Variants in BRD3 observed in about 807,000 individuals in gnomAD.
BRD3 encodes the protein bromodomain containing 3, also known as bromodomain-containing protein 3.
A neutral mutation model predicts 66.8 loss-of-function variants in BRD3; 17 were observed. The observed-to-expected ratio is 0.25, with a 90% CI of 0.17 to 0.38. The LOEUF (loss-of-function observed/expected upper bound fraction) is 0.38. Among genes scored for constraint, BRD3 ranks in the 10% least tolerant of loss-of-function variants. BRD3 has a pLI of 1.00. For synonymous variants in BRD3, 421 were observed against 393.2 expected, an observed-to-expected ratio of 1.07 and a Z score of -0.84; for missense variants, 713 against 956.1, an observed-to-expected ratio of 0.75 and a Z score of 3.35.
Position 134,033,816 on chromosome 9 carries a change from C to A in BRD3, c.2066-111G>T. 1 of 604,780 alleles carries A rather than the reference C, an allele frequency of 1.7e-6. No homozygotes were observed. The highest frequency in any genetic ancestry group is 2.8e-5 in the East Asian group (1 of 35,802). 37.5% of individuals were successfully genotyped at this position (604,780 alleles called of 1,614,324 possible). A position where few individuals can be genotyped will look rare whatever the true frequency, so the allele number is the denominator to read the frequency against. ...ATCACACTGGGTGCCACGACCCACC[C>A]ACTTCCTGACCCAGTCGTTTAATAA... is the stretch of plus-strand genomic sequence containing the variant. On this transcript the variant is annotated intron_variant, in intron 11 of 11. Transcript: ENST00000303407. This position sits in a 1 kb window ranked among gnomAD's most constrained non-coding sequence, Gnocchi z 5.1.
chr9:134,064,870 C>G (rs745753550), intron 1 of BRD3, among the ~76,000 whole-genome samples: 3 of 152,332 alleles, frequency 2.0e-5, no homozygotes, highest in Non-Finnish European at 4.4e-5. Flanking sequence ...CAGCTGGGCA[C>G]CTCTACAAGG....
chr9:134,035,528 G>A (rs1408528345), intron 10 of BRD3, among the ~76,000 whole-genome samples: 1 of 152,186 alleles, frequency 6.6e-6, no homozygotes, highest in East Asian at 1.9e-4. Flanking sequence ...CGGTGCCCCA[G>A]GGTCCGTCCT....
intron 1 of BRD3, among the ~76,000 whole-genome samples, chr9:134,059,284 C>T (rs1426498632): frequency 6.6e-6 from 1 of 152,232 alleles, no homozygotes; most frequent in Non-Finnish European, 1.5e-5. Context: ...TTCCTCAACA[C>T]ACACTCTGCA....
intron 1 of BRD3, 161 bp from the exon 2 acceptor site, chr9:134,053,751 G>T: frequency 1.7e-6 from 1 of 587,400 alleles, no homozygotes. Context: ...AGGCTGTCGG[G>T]AAAGCTGCTC....
In BRD3 at chr9:134,033,816, CA is replaced by C. The variant is rs1843554780; in HGVS notation, c.2066-112del. ...ATCACACTGGGTGCCACGACCCACC[CA>C]CTTCCTGACCCAGTCGTTTAATAAG... On this transcript the variant is annotated intron_variant, in intron 11 of 11. Coordinates refer to ENST00000303407, the MANE Select transcript of BRD3 (RefSeq NM_007371.4). The surrounding 1 kb of genome is among the most constrained non-coding windows in gnomAD (Gnocchi z 5.1). 1.7e-6 allele frequency: 1 copy of C among 604,786 alleles called. No individual in the cohort carries two copies. The highest frequency in any genetic ancestry group is 2.7e-5 in the Admixed American group (1 of 36,420). The allele number at this position is 604,786 out of a possible 1,614,324, so 37.5% of individuals were successfully genotyped here. A position where few individuals can be genotyped will look rare whatever the true frequency, so the allele number is the denominator to read the frequency against.
At chr9:134,065,665 C>T (rs1394515229) in intron 1 of BRD3, among the ~76,000 whole-genome samples, 1 of 152,178 alleles carries the variant, frequency 6.6e-6, no homozygotes, top group Non-Finnish European at 1.5e-5. Context: ...CGTGTGTATC[C>T]ACAGCAAAAC....
chr9:134,032,697 A>G lies in BRD3; in HGVS notation c.*893T>C, dbSNP rs1341287200. 4.3e-6 allele frequency: 1 copy of G among 229,898 alleles called. No individual in the cohort carries two copies. Among genetic ancestry groups the G allele is most frequent in the Non-Finnish European group, 8.6e-6 (1 of 116,200 alleles). 14.2% of individuals were successfully genotyped at this position (229,898 alleles called of 1,614,324 possible). ...TAAAAATGACCAATGATGTTAATAA[A>G]TAACTATTTATATACACATAAGCTC... On this transcript the variant is annotated 3_prime_UTR_variant, in exon 12 of 12. Transcript: ENST00000303407.
At chr9:134,046,115 G>A (rs1221460167) in intron 6 of BRD3, among the ~76,000 whole-genome samples, 3 of 152,206 alleles carry the variant, frequency 2.0e-5, no homozygotes, top group Non-Finnish European at 4.4e-5. Flanking sequence ...GGCAAGCAGA[G>A]AACTGAGGCC....
At chr9:134,044,455 C>G (rs777758629) in intron 7 of BRD3, among the ~76,000 whole-genome samples, 2 of 152,130 alleles carry the variant, frequency 1.3e-5, no homozygotes, top group African/African-American at 2.4e-5. Context: ...CATTCTGGGT[C>G]CCGTGAAAAG....
Position 134,053,513 on chromosome 9 carries a change from G to T in BRD3, c.-36C>A, listed in dbSNP as rs778010033. 2.0e-6 allele frequency: 3 copies of T among 1,531,614 alleles called. No individual in the cohort carries two copies. Among genetic ancestry groups the T allele is most frequent in the East Asian group, 2.3e-5 (1 of 42,950 alleles). The allele number at this position is 1,531,614 out of a possible 1,614,324, so 94.9% of individuals were successfully genotyped here. A position where few individuals can be genotyped will look rare whatever the true frequency, so the allele number is the denominator to read the frequency against. On this transcript the variant is annotated 5_prime_UTR_variant, in exon 2 of 12. Transcript: ENST00000303407. ...CTCACTCACTTTCTGTCACAGCAGC[G>T]GCTTGGAGAGGCCCTGGCTGCTTCT... is the stretch of plus-strand genomic sequence containing the variant.
At position 134,052,392 on chromosome 9, in the gene BRD3, T is replaced by C; in HGVS notation, c.265A>G (p.Arg89Gly). ...CTCCAATAATAATTATTTTCTAGTCTCTTCTTAATAGTCCCCATATCCATT... is the reference window on the plus strand; with the variant it reads ...CTCCAATAATAATTATTTTCTAGTCCCTTCTTAATAGTCCCCATATCCATT... ...NPMDMGTIKK[R>G]LENNYYWSAS... Residue 89 changes from arginine (R) to glycine (G), a missense_variant, in exon 3 of 12, where the codon AGA (arginine) becomes GGA (glycine). By Grantham distance (125) the Arg-to-Gly change is moderately radical. This residue lies in a region of BRD3 where 85 missense variants were observed against 152.4 expected (regional missense o/e 0.56). Coordinates refer to ENST00000303407, the MANE Select transcript of BRD3 (RefSeq NM_007371.4). The C allele has an allele frequency of 6.2e-7, 1 of 1,612,764 alleles. No individual in the cohort carries two copies. Among genetic ancestry groups the C allele is most frequent in the Non-Finnish European group, 8.5e-7 (1 of 1,179,548 alleles).
Position 134,036,164 on chromosome 9 carries a change from G to A in BRD3, c.1804C>T (p.Arg602Trp). Residue 602 changes from arginine (R) to tryptophan (W), a missense_variant, in exon 10 of 12, where the codon CGG becomes TGG. By Grantham distance (101) the Arg-to-Trp change is moderately radical. This residue lies in a region of BRD3 where 418 missense variants were observed against 609.3 expected (regional missense o/e 0.69). Transcript: ENST00000303407. ...TTGGAGTCCCTGAGCGAGGGCTCCC[G>A]AGATTGGATGATGTGCACTACCCGG... ...LGRVVHIIQS[R>W]EPSLRDSNPD... 6.2e-7 allele frequency: 1 copy of A among 1,614,224 alleles called. No homozygotes were observed. The highest frequency in any genetic ancestry group is 8.5e-7 in the Non-Finnish European group (1 of 1,180,038).
chr9:134,039,861 G>GC (rs1344376406), intron 9 of BRD3, among the ~76,000 whole-genome samples, 173 bp downstream of exon 9: 2 of 152,204 alleles, frequency 1.3e-5, no homozygotes, highest in African/African-American at 4.8e-5. Flanking sequence ...CATCACCTGG[G>GC]CCCCCGGACT....
intron 5 of BRD3, 148 bp from the exon 6 acceptor site, chr9:134,048,602 C>T (rs1359988977): frequency 3.2e-6 from 4 of 1,244,870 alleles, no homozygotes; most frequent in Non-Finnish European, 4.4e-6. Context: ...GACACCAAGG[C>T]TCAGGGGCCA....
chr9:134,046,728 G>T lies in BRD3; in HGVS notation c.1087-1307C>A, dbSNP rs528541556. 8.7e-4 allele frequency among the ~76,000 whole-genome samples: 132 copies of T among 152,328 alleles called. 2 individuals are homozygous for T. Among genetic ancestry groups the T allele is most frequent in the African/African-American group, 3.0e-3 (126 of 41,564 alleles). On this transcript the variant is annotated intron_variant, in intron 6 of 11. Coordinates refer to ENST00000303407, the MANE Select transcript of BRD3 (RefSeq NM_007371.4). ...TTTCCGCAGCGTCCGGGCCACAGTC[G>T]CGGGCAGCAAGTGCTGCCACTGCAC...
chr9:134,057,774 C>G (rs1002110291), intron 1 of BRD3: 2 of 152,532 alleles, frequency 1.3e-5, no homozygotes, highest in Non-Finnish European at 2.9e-5. Context: ...AGTTAAAGAA[C>G]GAGGCGCTCC....
chr9:134,063,344 G>A lies in BRD3; in HGVS notation c.-114+4601C>T, dbSNP rs552388370. ...CTCCTACCCAGCCCCTGGTACCAGC[G>A]AGGGCCTGGTCAGCATACCCAGGGC... On this transcript the variant is annotated intron_variant, in intron 1 of 11. Coordinates refer to ENST00000303407, the MANE Select transcript of BRD3 (RefSeq NM_007371.4). 2.1e-3 allele frequency among the ~76,000 whole-genome samples: 318 copies of A among 152,334 alleles called. 1 individual carries two copies. The highest frequency in any genetic ancestry group is 3.4e-3 in the Middle Eastern group (1 of 294).
chr9:134,035,380 AG>A (rs1477121992), intron 10 of BRD3, among the ~76,000 whole-genome samples: 1 of 152,152 alleles, frequency 6.6e-6, no homozygotes, highest in African/African-American at 2.4e-5. Context: ...TGCAAGTTCA[AG>A]TGAGCCCTGC....
intron 1 of BRD3, among the ~76,000 whole-genome samples, chr9:134,066,019 C>G (rs1046103616): frequency 1.3e-5 from 2 of 152,252 alleles, no homozygotes; most frequent in African/African-American, 2.4e-5. Flanking sequence ...ACTTCCGAAG[C>G]AGGCGCGAGC....
Sources: gnomAD v4.1 joint callset for allele counts (sites outside exome capture counted in the v4.1 genomes callset) on GRCh38, gnomAD v4.1.1 for gene constraint, gnomAD v4.1.1 regional missense constraint, Gnocchi (gnomAD v3.1) non-coding constraint, MANE v1.5 for transcripts, NCBI Gene and HGNC (gene_info 2026-07-23, HGNC 2026-07-21) for gene names.